Variants in MTUS2 observed in about 807,000 individuals in gnomAD.
MTUS2 encodes the protein microtubule-associated tumor suppressor candidate 2.
MTUS2 carries 40 observed loss-of-function variants against 114.1 expected under a neutral mutation model. The observed-to-expected ratio is 0.35, with a 90% CI of 0.27 to 0.46. The LOEUF (loss-of-function observed/expected upper bound fraction) is 0.46, where lower values mean the gene tolerates loss of function less well. MTUS2 is among the 20% of genes least tolerant of loss of function. MTUS2 has a pLI of 1.00. For synonymous variants in MTUS2, 688 were observed against 672.0 expected, an observed-to-expected ratio of 1.02 and a Z score of -0.37; for missense variants, 1,679 against 1,705.4, an observed-to-expected ratio of 0.98 and a Z score of 0.27.
At chr13:28,899,177 A>G (rs1172503053) in intron 2 of MTUS2, among the ~76,000 whole-genome samples, 10 of 152,222 alleles carry the variant, frequency 6.6e-5, no homozygotes, top group Admixed American at 6.5e-4. Flanking sequence ...CCTCAATAAT[A>G]ATATCTTGTA....
chr13:29,046,127 T>TTC (rs1887605669), intron 4 of MTUS2, among the ~76,000 whole-genome samples: 1 of 151,370 alleles, frequency 6.6e-6, no homozygotes, highest in Non-Finnish European at 1.5e-5. Flanking sequence ...ATTTTTTTTT[T>TTC]TTTTGAGCCA....
intron 1 of MTUS2, among the ~76,000 whole-genome samples, chr13:28,831,963 T>A (rs1329602953): frequency 1.3e-5 from 2 of 151,786 alleles, no homozygotes; most frequent in Non-Finnish European, 2.9e-5. Context: ...AGGCTTTCAC[T>A]ATGTTGGCCA....
chr13:29,498,045 C>A (rs1882660454), intron 13 of MTUS2, among the ~76,000 whole-genome samples: 1 of 151,814 alleles, frequency 6.6e-6, no homozygotes, highest in South Asian at 2.1e-4. Flanking sequence ...CTATAAGAGT[C>A]CCAGCTACCT....
At chr13:29,212,497 C>G (rs540932338) in intron 5 of MTUS2, among the ~76,000 whole-genome samples, 75 of 152,286 alleles carry the variant, frequency 4.9e-4, no homozygotes, top group African/African-American at 1.8e-3. Flanking sequence ...GGCTCAATCT[C>G]ACAAGACTGC....
In MTUS2 at chr13:29,504,797, CCTGT is replaced by C. The variant is rs1488459793; in HGVS notation, c.*1594_*1597del. ...CCCCCAAAATTGTCCTGAGCACAGG[CCTGT>C]CTTTGAGCGTGCCCAAGGCGAGAAG... On this transcript the variant is annotated 3_prime_UTR_variant, in exon 16 of 16. Transcript: ENST00000612955. 1 of 233,122 alleles carries C rather than the reference CCTGT, an allele frequency of 4.3e-6. No homozygotes were observed. Among genetic ancestry groups the C allele is most frequent in the Admixed American group, 5.6e-5 (1 of 17,802 alleles). 14.4% of individuals were successfully genotyped at this position (233,122 alleles called of 1,614,324 possible).
At chr13:29,437,004 T>C (rs989865713) in intron 8 of MTUS2, among the ~76,000 whole-genome samples, 2 of 152,186 alleles carry the variant, frequency 1.3e-5, no homozygotes, top group African/African-American at 2.4e-5. Flanking sequence ...CGAAGAGGCC[T>C]GTCCCTCTCA....
chr13:29,347,716 T>G (rs530422752), intron 7 of MTUS2, among the ~76,000 whole-genome samples: 6 of 152,268 alleles, frequency 3.9e-5, no homozygotes, highest in Admixed American at 3.3e-4. Flanking sequence ...CTCACAAGAC[T>G]ACCCCTCACT....
chr13:29,402,445 G>T (rs760731245), intron 8 of MTUS2, among the ~76,000 whole-genome samples: 2 of 152,102 alleles, frequency 1.3e-5, no homozygotes, highest in Non-Finnish European at 2.9e-5. Context: ...TAAAATTCAT[G>T]GTAAGCATAA....
chr13:28,960,179 A>T (rs974489734), intron 2 of MTUS2, among the ~76,000 whole-genome samples: 1 of 152,210 alleles, frequency 6.6e-6, no homozygotes, highest in African/African-American at 2.4e-5. Context: ...ACCACAATTA[A>T]ATACCACATC....
chr13:28,909,002 A>G lies in MTUS2; in HGVS notation c.-243+69152A>G, dbSNP rs183374503. ...TTTGTCAAAGATCAGATGGTTATAGATATGCGGCATTGTTTCTGAGGGCTG... is the reference window on the plus strand; with the variant it reads ...TTTGTCAAAGATCAGATGGTTATAGGTATGCGGCATTGTTTCTGAGGGCTG... On this transcript the variant is annotated intron_variant, in intron 2 of 15. Transcript: ENST00000612955. Among the ~76,000 whole-genome samples the G allele has an allele frequency of 3.4e-4, 52 of 151,486 alleles. 2 individuals are homozygous for G. Among genetic ancestry groups the G allele is most frequent in the African/African-American group, 1.3e-3 (52 of 41,086 alleles).
chr13:29,047,104 T>G (rs1887659802), intron 4 of MTUS2, among the ~76,000 whole-genome samples: 1 of 152,218 alleles, frequency 6.6e-6, no homozygotes, highest in Non-Finnish European at 1.5e-5. Flanking sequence ...ATCCTTTGTT[T>G]GAGTGTTCAA....
At chr13:29,499,854 T>TA (rs1434222868) in intron 14 of MTUS2, among the ~76,000 whole-genome samples, 1 of 152,254 alleles carries the variant, frequency 6.6e-6, no homozygotes, top group African/African-American at 2.4e-5. Flanking sequence ...CGGGTGCAGT[T>TA]AATGGGGGCA....
At chr13:29,319,966 A>G (rs1178735672) in intron 6 of MTUS2, among the ~76,000 whole-genome samples, 2 of 152,250 alleles carry the variant, frequency 1.3e-5, no homozygotes, top group South Asian at 2.1e-4. Context: ...TCATTGAGCC[A>G]TTCAGTTAGA....
intron 2 of MTUS2, among the ~76,000 whole-genome samples, chr13:29,013,815 G>A (rs1446447227): frequency 6.6e-6 from 1 of 152,132 alleles, no homozygotes; most frequent in Non-Finnish European, 1.5e-5. Flanking sequence ...TACCTACATT[G>A]CAGGAAGACG....
intron 7 of MTUS2, among the ~76,000 whole-genome samples, chr13:29,332,116 A>C (rs986370876): frequency 1.3e-5 from 2 of 152,168 alleles, no homozygotes; most frequent in Non-Finnish European, 2.9e-5. Flanking sequence ...GTTGTTTGGA[A>C]TAGTTTCAGA....
At chr13:28,832,269 A>C (rs1176745927) in intron 1 of MTUS2, among the ~76,000 whole-genome samples, 1 of 152,228 alleles carries the variant, frequency 6.6e-6, no homozygotes, top group Non-Finnish European at 1.5e-5. Context: ...GTAATAGGTC[A>C]CAGAATAAGT....
At chr13:29,057,667 CT>C (rs1394010368) in intron 4 of MTUS2, among the ~76,000 whole-genome samples, 5 of 152,124 alleles carry the variant, frequency 3.3e-5, no homozygotes, top group Admixed American at 3.3e-4. Context: ...TTCTTCCTCT[CT>C]TTACTTTGAG....
At chr13:28,964,372 T>C (rs1883477528) in intron 2 of MTUS2, among the ~76,000 whole-genome samples, 1 of 152,224 alleles carries the variant, frequency 6.6e-6, no homozygotes, top group Non-Finnish European at 1.5e-5. Context: ...CTGGTCTTTA[T>C]TCTGTGATTA....
chr13:29,171,141 AGTGT>A (rs34538842), intron 5 of MTUS2, among the ~76,000 whole-genome samples: 1 of 150,194 alleles, frequency 6.7e-6, no homozygotes, highest in Non-Finnish European at 1.5e-5. Flanking sequence ...AGAGAGAGAG[AGTGT>A]GTGTGTGTGT....
Sources: gnomAD v4.1 joint callset for allele counts (sites outside exome capture counted in the v4.1 genomes callset) on GRCh38, gnomAD v4.1.1 for gene constraint, MANE v1.5 for transcripts, NCBI Gene and HGNC (gene_info 2026-07-23, HGNC 2026-07-21) for gene names.